AVIL: variants seen among roughly 807,000 people sequenced by gnomAD.
AVIL encodes advillin.
A neutral mutation model predicts 109.9 loss-of-function variants in AVIL; 78 were observed. The observed-to-expected ratio is 0.71, with a 90% confidence interval of 0.59 to 0.86. The LOEUF is 0.86. Ranked by LOEUF, AVIL falls within the 40% of genes least tolerant of loss-of-function variation. The pLI is 0.00. For synonymous variants in AVIL, 367 were observed against 379.1 expected (o/e 0.97, Z 0.37); for missense variants, 892 against 1,016.5 (o/e 0.88, Z 1.67).
chr12:57,810,181 C>G (rs1956016629), intron 7 of AVIL, among the ~76,000 whole-genome samples, 168 bp downstream of exon 7: 2 of 152,074 alleles, frequency 1.3e-5, no homozygotes, highest in Non-Finnish European at 2.9e-5. Context: ...GAACTGCCTC[C>G]TTGAGTGGGG....
intron 14 of AVIL, 77 bp downstream of exon 14, chr12:57,806,283 G>T: frequency 1.3e-6 from 2 of 1,539,366 alleles, no homozygotes; most frequent in South Asian, 1.1e-5. Flanking sequence ...TAGGTCCTTT[G>T]ACCTTGCTGA....
At position 57,814,255 on chromosome 12, in the gene AVIL, A is replaced by C. The variant is rs1320747279; in HGVS notation, c.67-29T>G. On this transcript the variant is annotated intron_variant, in intron 2 of 19. Transcript: ENST00000549994. Reference sequence around the variant, plus strand: ...GAAGGACAAGGGGTGGGTATAGGCTACATCCCCTCCCACCTCCCTTCCCCA... The same window carrying C: ...GAAGGACAAGGGGTGGGTATAGGCTCCATCCCCTCCCACCTCCCTTCCCCA... 3 of 1,596,404 alleles carry C rather than the reference A, an allele frequency of 1.9e-6. No individual in the cohort carries two copies. In the Admixed American group the frequency reaches 5.1e-5, roughly 27 times the overall value.
In AVIL at chr12:57,813,505, C is replaced by A; in HGVS notation, c.142-82G>T. ...GGCCCCTGTTATGGGGAGAATGCAG[C>A]ACATGTGCATGCCCTTGGCAGACTG... On this transcript the variant is annotated intron_variant, in intron 3 of 19. Coordinates refer to ENST00000549994, the MANE Select transcript of AVIL (RefSeq NM_006576.4). 4 of 1,389,610 alleles carry A rather than the reference C, an allele frequency of 2.9e-6. No homozygotes were observed. The Admixed American group carries it at 7.2e-5, about 25-fold the overall frequency. The allele number at this position is 1,389,610 out of a possible 1,614,324, so 86.1% of individuals were successfully genotyped here.
intron 19 of AVIL, among the ~76,000 whole-genome samples, chr12:57,799,017 A>G (rs1184913392): frequency 6.6e-6 from 1 of 152,230 alleles, no homozygotes; most frequent in Non-Finnish European, 1.5e-5. Context: ...GAAGCTGAGA[A>G]TATGATGGTG....
chr12:57,806,548 A>T lies in AVIL; in HGVS notation c.1492-9T>A, dbSNP rs745314355. Reference sequence around the variant, plus strand: ...TTCCTGGAAGTCCCACCCTAGAGAGAAGAAAAGCAGAGTCCAGATCTAAGG... The same window carrying T: ...TTCCTGGAAGTCCCACCCTAGAGAGTAGAAAAGCAGAGTCCAGATCTAAGG... On this transcript the variant is annotated splice_polypyrimidine_tract_variant and intron_variant, in intron 13 of 19. Transcript: ENST00000549994. 1 of 1,613,704 alleles carries T rather than the reference A, an allele frequency of 6.2e-7. No homozygotes were observed. The highest frequency in any genetic ancestry group is 1.3e-5 in the African/African-American group (1 of 74,900).
chr12:57,808,530 T>C lies in AVIL; in HGVS notation c.958A>G (p.Ser320Gly). ...SKALGFIKMK[S>G]YPSSTNVETV... is the part of the protein sequence containing the mutation. ...TCCACATTGGTGCTGCTGGGGTAGC[T>C]CTTCATCTTGATGAAGCCCTGCAGA... The change falls in exon 10 of 20, where the codon AGC (serine) becomes GGC (glycine). Residue 320 changes from serine to glycine, a missense_variant. Physicochemically the swap from Ser to Gly is moderately conservative, Grantham distance 56. Coordinates refer to ENST00000549994, the MANE Select transcript of AVIL (RefSeq NM_006576.4). The C allele has an allele frequency of 6.2e-7, 1 of 1,614,114 alleles. No homozygotes were observed. The highest frequency in any genetic ancestry group is 1.3e-5 in the African/African-American group (1 of 75,044).
chr12:57,807,310 A>C (rs751345653), intron 13 of AVIL, 21 bp downstream of exon 13: 67 of 1,613,934 alleles, frequency 4.2e-5, no homozygotes, highest in Non-Finnish European at 2.5e-6. Flanking sequence ...TCATGGTGTA[A>C]TTTTATCAGA....
At chr12:57,810,677 C>T in intron 6 of AVIL, 126 bp from the exon 7 acceptor site, 1 of 1,346,616 alleles carries the variant, frequency 7.4e-7, no homozygotes, top group Non-Finnish European at 1.0e-6. Flanking sequence ...CAGGGTGAGT[C>T]ACAAACTCAC....
At chr12:57,803,500 G>A (rs1160883687) in intron 15 of AVIL, 24 bp downstream of exon 15, 2 of 1,614,082 alleles carry the variant, frequency 1.2e-6, no homozygotes, top group African/African-American at 2.7e-5. Flanking sequence ...GAGCCCAGAA[G>A]AGGGGGAGGC....
At chr12:57,814,104 A>G (rs778906067) in intron 3 of AVIL, 48 bp downstream of exon 3, 156 of 1,594,920 alleles carry the variant, frequency 9.8e-5, no homozygotes, top group Non-Finnish European at 1.3e-4. Context: ...CAGCCCAAGA[A>G]CTGGCCCCAG....
At chr12:57,809,373 G>A (rs1275504694) in intron 9 of AVIL, among the ~76,000 whole-genome samples, 1 of 152,182 alleles carries the variant, frequency 6.6e-6, no homozygotes. Flanking sequence ...TGTTAGATAT[G>A]GGGAAACTGA....
rs766484991 is a variant in AVIL, at chr12:57,806,513, G to A, written c.1518C>T (p.Ala506=). Residue 506 remains alanine, a synonymous_variant, in exon 14 of 20, where the codon GCC becomes GCT. Coordinates refer to ENST00000549994, the MANE Select transcript of AVIL (RefSeq NM_006576.4). ...FEGGTSRKGN[A]EPDPPVRLFQ... ...AGAGTCTTACTGGAGGGTCAGGCTC[G>A]GCATTTCCCTTCCTGGAAGTCCCAC... is the stretch of plus-strand genomic sequence containing the variant. 1.1e-5 allele frequency: 18 copies of A among 1,613,982 alleles called. No individual in the cohort carries two copies. The highest frequency in any genetic ancestry group is 5.0e-5 in the Admixed American group (3 of 59,984).
chr12:57,817,022 C>G (rs915595371), intron 1 of AVIL, among the ~76,000 whole-genome samples: 2 of 151,996 alleles, frequency 1.3e-5, no homozygotes, highest in African/African-American at 2.4e-5. Flanking sequence ...AGATCTAAGT[C>G]TGTGTAGGTC....
chr12:57,818,320 G>A (rs920678841), intron 1 of AVIL, among the ~76,000 whole-genome samples: 2 of 148,426 alleles, frequency 1.3e-5, no homozygotes, highest in Non-Finnish European at 3.0e-5. Flanking sequence ...GATTACAGGT[G>A]TAAGCCACCT....
At chr12:57,802,585 AACTTC>A in intron 16 of AVIL, 1 of 711,342 alleles carries the variant, frequency 1.4e-6, no homozygotes, top group South Asian at 1.5e-5. Context: ...GCTGTCTCTG[AACTTC>A]AGCTTCCTGA....
In AVIL at chr12:57,807,631, C is replaced by T. The variant is rs142455344; in HGVS notation, c.1291G>A (p.Glu431Lys). 2.2e-4 allele frequency: 363 copies of T among 1,614,102 alleles called. No homozygotes were observed. Among genetic ancestry groups the T allele is most frequent in the Non-Finnish European group, 2.9e-4 (345 of 1,180,048 alleles). ...GDCYLVLYTY[E>K]VNGKPHHILY... is the part of the protein sequence containing the mutation. ...ATGTGATGTGGCTTCCCATTTACCT[C>T]GTATGTGTAGAGGACCAGATAACAG... Residue 431 changes from glutamate (E) to lysine (K), a missense_variant, in exon 12 of 20, where the codon GAG becomes AAG. Transcript: ENST00000549994.
chr12:57,816,559 G>A (rs1956102914), intron 1 of AVIL: 1 of 152,244 alleles, frequency 6.6e-6, no homozygotes. Context: ...TAAGTTCAGT[G>A]GCATTTGGAA....
At chr12:57,799,983 C>G in intron 18 of AVIL, 63 bp from the exon 19 acceptor site, 1 of 1,590,070 alleles carries the variant, frequency 6.3e-7, no homozygotes, top group South Asian at 1.1e-5. Context: ...GGTTACAGTT[C>G]TGAATGTGTA....
chr12:57,801,723 A>G (rs1224866548), intron 17 of AVIL, among the ~76,000 whole-genome samples: 1 of 152,118 alleles, frequency 6.6e-6, no homozygotes, highest in Admixed American at 6.5e-5. Context: ...CTGGACAACA[A>G]GAGCGAAATT....
Sources: gnomAD v4.1 joint callset for allele counts (sites outside exome capture counted in the v4.1 genomes callset) on GRCh38, gnomAD v4.1.1 for gene constraint, MANE v1.5 for transcripts, NCBI Gene and HGNC (gene_info 2026-07-23, HGNC 2026-07-21) for gene names.